CLDN1: variants seen among roughly 807,000 people sequenced by gnomAD.
CLDN1 encodes the protein claudin-1.
A neutral mutation model predicts 22.6 loss-of-function variants in CLDN1; 12 were observed. The observed-to-expected ratio is 0.53, with a 90% CI of 0.34 to 0.86. The LOEUF is 0.86. CLDN1 is among the 40% of genes least tolerant of loss of function. The pLI, the probability that CLDN1 is intolerant of heterozygous loss-of-function variation, is 0.02. For missense variants in CLDN1, 250 were observed against 269.5 expected (o/e 0.93, Z 0.51); for synonymous variants, 99 against 103.8 (o/e 0.95, Z 0.28).
rs1356286152 is a variant in CLDN1 at position 190,306,982 on chromosome 3, T to G, written c.*1295A>C. The G allele has an allele frequency of 6.6e-6, 1 of 152,642 alleles. No homozygotes were observed. Among genetic ancestry groups the G allele is most frequent in the Non-Finnish European group, 1.5e-5 (1 of 68,060 alleles). The allele number at this position is 152,642 out of a possible 1,614,324, so 9.5% of individuals were successfully genotyped here. On this transcript the variant is annotated 3_prime_UTR_variant, in exon 4 of 4. Coordinates refer to ENST00000295522, the MANE Select transcript of CLDN1 (RefSeq NM_021101.5). ...AGTGAATCACATGAAGGTACGTGTG[T>G]AGGTTTTGTTCAGTGACTTCTTCAG... is the stretch of plus-strand genomic sequence containing the variant.
rs1018258540 is a variant in CLDN1 at position 190,307,112 on chromosome 3, G to A, written c.*1165C>T. Reference sequence around the variant, plus strand: ...AATATTCACACTACCTCTTCTAACTGGTTAAGTATCATTATCTCAATTTGG... The same window carrying A: ...AATATTCACACTACCTCTTCTAACTAGTTAAGTATCATTATCTCAATTTGG... On this transcript the variant is annotated 3_prime_UTR_variant, in exon 4 of 4. Transcript: ENST00000295522. 2.0e-5 allele frequency: 3 copies of A among 152,568 alleles called. No homozygotes were observed. The highest frequency in any genetic ancestry group is 7.2e-5 in the African/African-American group (3 of 41,440). 9.5% of individuals were successfully genotyped at this position (152,568 alleles called of 1,614,324 possible). A position where few individuals can be genotyped will look rare whatever the true frequency, so the allele number is the denominator to read the frequency against.
intron 1 of CLDN1, among the ~76,000 whole-genome samples, chr3:190,321,219 T>C (rs1025718342): frequency 1.3e-5 from 2 of 152,192 alleles, no homozygotes; most frequent in Admixed American, 6.5e-5. Flanking sequence ...ACTTTTTTCT[T>C]TGTATTATGT....
At chr3:190,313,403 A>G (rs572827704) in intron 1 of CLDN1, among the ~76,000 whole-genome samples, 7 of 152,378 alleles carry the variant, frequency 4.6e-5, no homozygotes, top group African/African-American at 1.4e-4. Flanking sequence ...AATTTTAAGT[A>G]ACAATCATAT....
At chr3:190,319,254 A>T (rs542177985) in intron 1 of CLDN1, among the ~76,000 whole-genome samples, 182 of 152,344 alleles carry the variant, frequency 1.2e-3, no homozygotes, top group East Asian at 3.9e-3. Flanking sequence ...AAAGTCTACT[A>T]CAACTGTATC....
At chr3:190,321,124 T>C (rs1716909932) in intron 1 of CLDN1, among the ~76,000 whole-genome samples, 1 of 152,200 alleles carries the variant, frequency 6.6e-6, no homozygotes, top group African/African-American at 2.4e-5. Flanking sequence ...CCACCTCTTC[T>C]TTCTCTCTCA....
At chr3:190,318,180 G>A (rs1161485810) in intron 1 of CLDN1, among the ~76,000 whole-genome samples, 1 of 152,204 alleles carries the variant, frequency 6.6e-6, no homozygotes, top group East Asian at 1.9e-4. Context: ...AAAATCAGGA[G>A]TGAAAATGAT....
chr3:190,321,691 T>C (rs554046334), intron 1 of CLDN1, among the ~76,000 whole-genome samples: 2 of 152,246 alleles, frequency 1.3e-5, no homozygotes, highest in East Asian at 1.9e-4. Flanking sequence ...AAGTTCAAGT[T>C]TGGCCTTCAC....
At chr3:190,313,532 T>C (rs1340614708) in intron 1 of CLDN1, among the ~76,000 whole-genome samples, 1 of 152,200 alleles carries the variant, frequency 6.6e-6, no homozygotes, top group African/African-American at 2.4e-5. Context: ...AATTGGAAGA[T>C]AAAAAATAAA....
intron 2 of CLDN1, 90 bp from the exon 3 acceptor site, chr3:190,310,343 A>T: frequency 4.2e-6 from 4 of 944,906 alleles, no homozygotes; most frequent in Non-Finnish European, 6.8e-6. Context: ...ATTTTGCAAG[A>T]ATTAAATCTC....
Position 190,307,097 on chromosome 3 carries a change from C to A in CLDN1, c.*1180G>T, listed in dbSNP as rs1330090831. 2.6e-5 allele frequency: 4 copies of A among 152,608 alleles called. No homozygotes were observed. Among genetic ancestry groups the A allele is most frequent in the Non-Finnish European group, 5.9e-5 (4 of 68,040 alleles). The allele number at this position is 152,608 out of a possible 1,614,324, so 9.5% of individuals were successfully genotyped here. A position where few individuals can be genotyped will look rare whatever the true frequency, so the allele number is the denominator to read the frequency against. On this transcript the variant is annotated 3_prime_UTR_variant, in exon 4 of 4. Transcript: ENST00000295522. ...TAATATAAACTAATTAATATTCACA[C>A]TACCTCTTCTAACTGGTTAAGTATC...
At chr3:190,314,716 TAA>T (rs1026221284) in intron 1 of CLDN1, among the ~76,000 whole-genome samples, 15 of 152,310 alleles carry the variant, frequency 9.8e-5, no homozygotes, top group African/African-American at 3.6e-4. Context: ...AATCTCTTTC[TAA>T]AAAGTATCAA....
At chr3:190,311,211 T>C (rs1428322381) in intron 2 of CLDN1, among the ~76,000 whole-genome samples, 4 of 152,190 alleles carry the variant, frequency 2.6e-5, no homozygotes, top group African/African-American at 9.7e-5. Context: ...TGCAGTCACA[T>C]GTGGGAGTTA....
At chr3:190,310,301 G>A (rs745998030) in intron 2 of CLDN1, 48 bp from the exon 3 acceptor site, 43 of 1,424,090 alleles carry the variant, frequency 3.0e-5, no homozygotes, top group Non-Finnish European at 4.2e-5. Flanking sequence ...GGAACACTGA[G>A]CCTAAATACA....
chr3:190,322,423 G>A lies in CLDN1; in HGVS notation c.-217C>T, dbSNP rs1716954791. ...AGTCTGGATACTAGAAGCTGCGGTTGCTCCCAGGCTCGGGAACTGAGACGC... is the reference window on the plus strand; with the variant it reads ...AGTCTGGATACTAGAAGCTGCGGTTACTCCCAGGCTCGGGAACTGAGACGC... On this transcript the variant is annotated 5_prime_UTR_variant, in exon 1 of 4. Transcript: ENST00000295522. 1 of 589,808 alleles carries A rather than the reference G, an allele frequency of 1.7e-6. No homozygotes were observed. Among genetic ancestry groups the A allele is most frequent in the Non-Finnish European group, 3.0e-6 (1 of 329,786 alleles). 36.5% of individuals were successfully genotyped at this position (589,808 alleles called of 1,614,324 possible). A position where few individuals can be genotyped will look rare whatever the true frequency, so the allele number is the denominator to read the frequency against.
chr3:190,313,053 T>A lies in CLDN1; in HGVS notation c.224-17A>T. On this transcript the variant is annotated splice_polypyrimidine_tract_variant and intron_variant, in intron 1 of 3. Transcript: ENST00000295522. ...GCAATGTGCCTGGCAGAAAACATTTTAAAACATGTAAAAATATGCTTGGAC... is the reference window on the plus strand; with the variant it reads ...GCAATGTGCCTGGCAGAAAACATTTAAAAACATGTAAAAATATGCTTGGAC... 1 of 1,613,988 alleles carries A rather than the reference T, an allele frequency of 6.2e-7. No homozygotes were observed. The highest frequency in any genetic ancestry group is 8.5e-7 in the Non-Finnish European group (1 of 1,179,940).
intron 1 of CLDN1, among the ~76,000 whole-genome samples, chr3:190,314,269 A>G (rs535949685): frequency 2.0e-5 from 3 of 152,354 alleles, no homozygotes; most frequent in African/African-American, 7.2e-5. Flanking sequence ...AATATTGTCA[A>G]GATTGAGAAC....
chr3:190,321,721 A>T (rs1394859680), intron 1 of CLDN1, among the ~76,000 whole-genome samples: 1 of 152,184 alleles, frequency 6.6e-6, no homozygotes, highest in Non-Finnish European at 1.5e-5. Context: ...TCGAACCACC[A>T]GCATAGGAAT....
intron 1 of CLDN1, among the ~76,000 whole-genome samples, chr3:190,321,401 T>C (rs948448284): frequency 6.6e-6 from 1 of 152,174 alleles, no homozygotes; most frequent in African/African-American, 2.4e-5. Flanking sequence ...GGGGCCTCCC[T>C]GCACTAACTG....
At chr3:190,309,641 A>C (rs766087667) in intron 3 of CLDN1, among the ~76,000 whole-genome samples, 1 of 152,226 alleles carries the variant, frequency 6.6e-6, no homozygotes, top group Non-Finnish European at 1.5e-5. Flanking sequence ...TTGTAAAGCC[A>C]ATTTTACAGT....
Sources: allele counts gnomAD v4.1 joint callset (sites outside exome capture counted in the v4.1 genomes callset), GRCh38; gene constraint gnomAD v4.1.1; transcripts MANE v1.5; gene names NCBI Gene and HGNC (gene_info 2026-07-23, HGNC 2026-07-21).